The following SEMA6D variants were observed in gnomAD, a reference collection of about 807,000 sequenced individuals.
SEMA6D encodes semaphorin-6D.
Under a neutral mutation model 106.6 loss-of-function variants are expected in SEMA6D, and 35 were observed. The observed-to-expected ratio is 0.33, with a 90% confidence interval of 0.25 to 0.44. The LOEUF (loss-of-function observed/expected upper bound fraction) is 0.44. Ranked by LOEUF, SEMA6D falls within the 20% of genes least tolerant of loss-of-function variation. The pLI, the probability that SEMA6D is intolerant of heterozygous loss-of-function variation, is 1.00. For missense variants in SEMA6D, 1,185 were observed against 1,345.9 expected, an observed-to-expected ratio of 0.88 and a Z score of 1.87; for synonymous variants, 499 against 487.7, an observed-to-expected ratio of 1.02 and a Z score of -0.31.
chr15:47,475,280 A>G (rs912369730), intron 3 of SEMA6D, among the ~76,000 whole-genome samples: 1 of 152,178 alleles, frequency 6.6e-6, no homozygotes, highest in East Asian at 1.9e-4. Flanking sequence ...ATTTACATTT[A>G]TAATTTTATT....
intron 3 of SEMA6D, among the ~76,000 whole-genome samples, chr15:47,587,576 G>A (rs1009823219): frequency 3.3e-5 from 5 of 152,160 alleles, no homozygotes; most frequent in African/African-American, 1.2e-4. Context: ...CGAAGCCAGG[G>A]CTGGCACATG....
chr15:47,584,636 T>G (rs1438176069), intron 3 of SEMA6D, among the ~76,000 whole-genome samples: 2 of 152,176 alleles, frequency 1.3e-5, no homozygotes, highest in African/African-American at 4.8e-5. Context: ...TGGTATCTTT[T>G]GTTGGAAACT....
chr15:47,727,939 G>A (rs973044041), intron 1 of SEMA6D, among the ~76,000 whole-genome samples: 6 of 152,220 alleles, frequency 3.9e-5, no homozygotes, highest in East Asian at 1.9e-4. Context: ...TGCTCAAGCC[G>A]TGCTTGGAAG....
At chr15:47,703,944 G>A (rs1166255821) in intron 4 of SEMA6D, among the ~76,000 whole-genome samples, 1 of 152,172 alleles carries the variant, frequency 6.6e-6, no homozygotes. Context: ...CACAGTACAT[G>A]GGGGTGTGTA....
At chr15:47,316,749 A>G (rs2143427936) in intron 1 of SEMA6D, among the ~76,000 whole-genome samples, 1 of 152,094 alleles carries the variant, frequency 6.6e-6, no homozygotes, top group East Asian at 1.9e-4. Flanking sequence ...AATTGGACCA[A>G]CCTTGCATAG....
intron 2 of SEMA6D, among the ~76,000 whole-genome samples, chr15:47,457,894 T>G (rs2042391916): frequency 6.6e-6 from 1 of 150,620 alleles, no homozygotes; most frequent in Non-Finnish European, 1.5e-5. Flanking sequence ...ACCTTAAAAG[T>G]AGCCAAAAGA....
At chr15:47,290,924 C>T (rs1159035821) in intron 1 of SEMA6D, among the ~76,000 whole-genome samples, 2 of 152,182 alleles carry the variant, frequency 1.3e-5, no homozygotes, top group African/African-American at 2.4e-5. Flanking sequence ...TCAGGTTCCT[C>T]TACAAAGACA....
At chr15:47,728,964 C>G (rs965856474) in intron 1 of SEMA6D, among the ~76,000 whole-genome samples, 1 of 152,140 alleles carries the variant, frequency 6.6e-6, no homozygotes, top group African/African-American at 2.4e-5. Context: ...TGCAGAGTCC[C>G]TCTCGCCATG....
intron 4 of SEMA6D, among the ~76,000 whole-genome samples, chr15:47,645,324 G>A (rs952495027): frequency 1.3e-5 from 2 of 152,218 alleles, no homozygotes; most frequent in East Asian, 1.9e-4. Context: ...TTTATAAAAC[G>A]TTTAGGAAAC....
intron 2 of SEMA6D, among the ~76,000 whole-genome samples, chr15:47,422,055 A>G (rs572111735): frequency 6.6e-6 from 1 of 151,808 alleles, no homozygotes; most frequent in African/African-American, 2.4e-5. Context: ...CTATTCAGCA[A>G]GAACTAAGAA....
intron 4 of SEMA6D, among the ~76,000 whole-genome samples, chr15:47,671,739 G>A (rs1302623724): frequency 6.6e-6 from 1 of 152,138 alleles, no homozygotes; most frequent in East Asian, 1.9e-4. Flanking sequence ...TGAAAACCTG[G>A]TGGTGGTAGC....
chr15:47,528,585 T>A (rs147363669), intron 3 of SEMA6D, among the ~76,000 whole-genome samples: 1 of 152,348 alleles, frequency 6.6e-6, no homozygotes, highest in East Asian at 1.9e-4. Context: ...CTCTTTAGCA[T>A]GTAGTCCTGA....
intron 2 of SEMA6D, among the ~76,000 whole-genome samples, chr15:47,431,134 T>TC (rs1567074667): frequency 6.6e-6 from 1 of 152,162 alleles, no homozygotes; most frequent in East Asian, 1.9e-4. Flanking sequence ...ACATGAAAAC[T>TC]ATTGGGCTCA....
intron 4 of SEMA6D, among the ~76,000 whole-genome samples, chr15:47,644,548 C>G (rs979701911): frequency 6.6e-6 from 1 of 152,176 alleles, no homozygotes; most frequent in African/African-American, 2.4e-5. Flanking sequence ...GCCATGAGGG[C>G]TCCTCCCTGG....
chr15:47,715,351 G>T (rs930016889), upstream of SEMA6D, among the ~76,000 whole-genome samples: 1 of 152,208 alleles, frequency 6.6e-6, no homozygotes, highest in Admixed American at 6.5e-5. Context: ...AATGGTAGCT[G>T]CATAAAGAGT....
chr15:47,526,470 A>G (rs1263030467), intron 3 of SEMA6D, among the ~76,000 whole-genome samples: 1 of 152,210 alleles, frequency 6.6e-6, no homozygotes, highest in Non-Finnish European at 1.5e-5. Flanking sequence ...TGGGAACCTG[A>G]ATATTATTAA....
chr15:47,366,923 G>T (rs1004797726), intron 1 of SEMA6D, among the ~76,000 whole-genome samples: 2 of 152,168 alleles, frequency 1.3e-5, no homozygotes, highest in Non-Finnish European at 2.9e-5. Flanking sequence ...AGCCAGGTGG[G>T]CTCTAGTCAG....
chr15:47,368,512 C>G (rs1363118195), intron 1 of SEMA6D, among the ~76,000 whole-genome samples: 3 of 152,040 alleles, frequency 2.0e-5, no homozygotes, highest in Non-Finnish European at 4.4e-5. Context: ...GCTCTGTCGC[C>G]CAGGCTGGAG....
At chr15:47,344,350 ACAAT>A (rs1405972118) in intron 1 of SEMA6D, among the ~76,000 whole-genome samples, 3 of 152,346 alleles carry the variant, frequency 2.0e-5, no homozygotes, top group South Asian at 2.1e-4. Context: ...CCTGTGTGAA[ACAAT>A]CAAATAACAA....
Sources: gnomAD v4.1 joint callset for allele counts (sites outside exome capture counted in the v4.1 genomes callset) on GRCh38, gnomAD v4.1.1 for gene constraint, MANE v1.5 for transcripts, NCBI Gene and HGNC (gene_info 2026-07-23, HGNC 2026-07-21) for gene names.